SPECC1: variants seen among roughly 807,000 people sequenced by gnomAD.
SPECC1 encodes cytospin-B.
In SPECC1, 62 loss-of-function variants were observed where a neutral mutation model predicts 104.1. The observed-to-expected ratio is 0.60, with a 90% CI of 0.49 to 0.74. The LOEUF (loss-of-function observed/expected upper bound fraction) is 0.74, where lower values mean the gene tolerates loss of function less well. Ranked by LOEUF, SPECC1 falls within the 30% of genes least tolerant of loss-of-function variation. The pLI, the probability that SPECC1 is intolerant of heterozygous loss-of-function variation, is 0.00. For missense variants in SPECC1, 1,306 were observed against 1,310.5 expected (o/e 1.00, Z 0.05); for synonymous variants, 513 against 501.6 (o/e 1.02, Z -0.30).
chr17:20,192,270 G>A (rs1157354650), intron 3 of SPECC1, among the ~76,000 whole-genome samples: 4 of 151,944 alleles, frequency 2.6e-5, no homozygotes, highest in Non-Finnish European at 5.9e-5. Context: ...CCATTACACC[G>A]AGCCCTCATT....
At chr17:20,210,450 C>T (rs1240610383) in intron 4 of SPECC1, among the ~76,000 whole-genome samples, 2 of 152,200 alleles carry the variant, frequency 1.3e-5, no homozygotes, top group African/African-American at 4.8e-5. Context: ...CTTGGTCCAC[C>T]TGTTGGCGAC....
chr17:20,213,538 A>G (rs543741696), intron 4 of SPECC1, among the ~76,000 whole-genome samples: 1 of 152,334 alleles, frequency 6.6e-6, no homozygotes, highest in East Asian at 1.9e-4. Context: ...CCACCTTTGA[A>G]AGCCTTGTTG....
intron 1 of SPECC1, among the ~76,000 whole-genome samples, chr17:20,069,917 C>A (rs1239607273): frequency 6.6e-6 from 1 of 151,988 alleles, no homozygotes; most frequent in Non-Finnish European, 1.5e-5. Context: ...TTGGATTATT[C>A]ACTGCAAGTA....
chr17:20,174,963 ACCT>A (rs1439229647), intron 3 of SPECC1, among the ~76,000 whole-genome samples: 1 of 151,294 alleles, frequency 6.6e-6, no homozygotes, highest in East Asian at 2.0e-4. Flanking sequence ...AAAAATCTTA[ACCT>A]CCTCTTTGCC....
At chr17:20,012,867 T>C (rs1039972890) in intron 1 of SPECC1, among the ~76,000 whole-genome samples, 1 of 152,200 alleles carries the variant, frequency 6.6e-6, no homozygotes, top group African/African-American at 2.4e-5. Flanking sequence ...CCGCAGCCCC[T>C]GGCAACCACC....
At position 20,260,227 on chromosome 17, in the gene SPECC1, G is replaced by A. The variant is rs201980094; in HGVS notation, c.2873G>A (p.Arg958Gln). 1.0e-4 allele frequency: 163 copies of A among 1,613,848 alleles called. No homozygotes were observed. The Middle Eastern group carries it at 1.8e-3, about 18-fold the overall frequency. ...AAAGACCCTCTGGCAGCCTTGGCCC[G>A]GGAATACGGTGGTTCCAAGCGCAAT... ...ERKDPLAALA[R>Q]EYGGSKRNAL... Residue 958 changes from arginine (R) to glutamine (Q), a missense_variant, in exon 12 of 15, where the codon CGG becomes CAG. This residue lies in a region of SPECC1 where 129 missense variants were observed against 170.6 expected (regional missense o/e 0.76). Coordinates refer to ENST00000395527, the MANE Select transcript of SPECC1 (RefSeq NM_001243439.2).
At chr17:20,105,671 G>C (rs1254650068) in intron 2 of SPECC1, among the ~76,000 whole-genome samples, 1 of 152,190 alleles carries the variant, frequency 6.6e-6, no homozygotes, top group Non-Finnish European at 1.5e-5. Flanking sequence ...CTTCACCCCT[G>C]TTCTTATCAT....
chr17:20,155,879 TGGGCGGACAGTATGCAGATGACGG>T (rs2032429235), intron 3 of SPECC1: 1 of 1,106,866 alleles, frequency 9.0e-7, no homozygotes, highest in South Asian at 4.3e-5. Context: ...ACAGATGAGG[TGGGCGGACAGTATGCAGATGACGG>T]GGGCGGGCCG....
At chr17:20,264,378 AGG>A (rs2040140252) in intron 12 of SPECC1, among the ~76,000 whole-genome samples, 1 of 148,948 alleles carries the variant, frequency 6.7e-6, no homozygotes, top group Non-Finnish European at 1.5e-5. Context: ...TTTTCAACTC[AGG>A]CCTTCTTCCC....
intron 3 of SPECC1, among the ~76,000 whole-genome samples, chr17:20,132,420 A>G (rs1027995760): frequency 2.6e-5 from 4 of 152,158 alleles, no homozygotes; most frequent in African/African-American, 9.7e-5. Context: ...AAGTATTCCT[A>G]ACTTTTCTTT....
At chr17:20,194,894 C>G (rs897206949) in intron 3 of SPECC1, among the ~76,000 whole-genome samples, 8 of 152,110 alleles carry the variant, frequency 5.3e-5, no homozygotes, top group African/African-American at 1.4e-4. Context: ...CTGGAGAAAT[C>G]AGGTAGAGAG....
At chr17:20,069,331 CT>C (rs1277049751) in intron 1 of SPECC1, among the ~76,000 whole-genome samples, 1 of 152,098 alleles carries the variant, frequency 6.6e-6, no homozygotes. Flanking sequence ...TTGATAGTAT[CT>C]TTTGAAGCAA....
intron 9 of SPECC1, among the ~76,000 whole-genome samples, chr17:20,249,064 A>G (rs761994769): frequency 2.6e-5 from 4 of 152,212 alleles, no homozygotes; most frequent in Non-Finnish European, 5.9e-5. Flanking sequence ...CAATTACACC[A>G]TCTAGATCCT....
At chr17:20,147,233 G>A (rs1283453741) in intron 3 of SPECC1, among the ~76,000 whole-genome samples, 4 of 151,888 alleles carry the variant, frequency 2.6e-5, no homozygotes, top group South Asian at 4.2e-4. Context: ...CACCATGCCC[G>A]GCTAATTTTG....
At chr17:20,126,963 T>G (rs1296895070) in intron 3 of SPECC1, among the ~76,000 whole-genome samples, 1 of 152,252 alleles carries the variant, frequency 6.6e-6, no homozygotes, top group Non-Finnish European at 1.5e-5. Context: ...TTAAAGTATG[T>G]GTGTATTTGG....
At chr17:20,143,377 T>C (rs974388009) in intron 3 of SPECC1, among the ~76,000 whole-genome samples, 13 of 141,602 alleles carry the variant, frequency 9.2e-5, no homozygotes, top group Non-Finnish European at 1.8e-4. Context: ...CAGAGCAAGA[T>C]CAAGTTTCAA....
chr17:20,191,923 C>T (rs989314284), intron 3 of SPECC1, among the ~76,000 whole-genome samples: 3 of 151,918 alleles, frequency 2.0e-5, no homozygotes. Flanking sequence ...CATTTTTAGT[C>T]AGGTGTTTCG....
intron 3 of SPECC1, among the ~76,000 whole-genome samples, chr17:20,201,339 G>A (rs938274551): frequency 4.6e-5 from 7 of 151,852 alleles, no homozygotes; most frequent in Non-Finnish European, 8.8e-5. Context: ...TAAATTAGCC[G>A]AGCATGGTGG....
chr17:20,211,608 T>C (rs540912526), intron 4 of SPECC1, among the ~76,000 whole-genome samples: 1 of 152,382 alleles, frequency 6.6e-6, no homozygotes, highest in African/African-American at 2.4e-5. Context: ...GTGATAGGCA[T>C]GTGGCCCGGA....
Sources: allele counts gnomAD v4.1 joint callset (sites outside exome capture counted in the v4.1 genomes callset), GRCh38; gene constraint gnomAD v4.1.1; regional missense constraint gnomAD v4.1.1; transcripts MANE v1.5; gene names NCBI Gene and HGNC (gene_info 2026-07-23, HGNC 2026-07-21).